The following CDH18 variants were observed in gnomAD, a reference collection of about 807,000 sequenced individuals.
The protein encoded by CDH18 is cadherin-18.
A neutral mutation model predicts 67.9 loss-of-function variants in CDH18; 31 were observed. That is an observed-to-expected ratio of 0.46 (90% CI 0.34 to 0.62). CDH18 has a LOEUF of 0.62. CDH18 is among the 20% of genes least tolerant of loss of function. The probability of loss-of-function intolerance (pLI) is 0.01; values close to 1 mark genes in which losing one functional copy is unlikely to be tolerated. For synonymous variants in CDH18, 362 were observed against 347.2 expected (o/e 1.04, Z -0.48); for missense variants, 890 against 975.5 (o/e 0.91, Z 1.17).
intron 2 of CDH18, among the ~76,000 whole-genome samples, chr5:19,928,432 A>G (rs1579641426): frequency 6.6e-6 from 1 of 152,234 alleles, no homozygotes; most frequent in East Asian, 1.9e-4. Context: ...GGTCAAGATG[A>G]CTTACTTTTG....
chr5:20,155,101 T>C (rs1458079915), intron 2 of CDH18, among the ~76,000 whole-genome samples: 1 of 152,176 alleles, frequency 6.6e-6, no homozygotes, highest in Non-Finnish European at 1.5e-5. Context: ...ATATTTAATA[T>C]AATTTGAATG....
chr5:19,875,693 T>C (rs987623692), intron 2 of CDH18, among the ~76,000 whole-genome samples: 5 of 151,996 alleles, frequency 3.3e-5, no homozygotes, highest in African/African-American at 1.2e-4. Context: ...ATCTTTTATA[T>C]TGTTGAATCT....
At chr5:20,286,692 C>T (rs1291463653) in intron 1 of CDH18, among the ~76,000 whole-genome samples, 1 of 151,740 alleles carries the variant, frequency 6.6e-6, no homozygotes, top group Non-Finnish European at 1.5e-5. Context: ...TCAGTCACTG[C>T]CCTGGGATTC....
intron 11 of CDH18, among the ~76,000 whole-genome samples, chr5:19,489,509 A>G (rs1422020601): frequency 6.6e-6 from 1 of 151,980 alleles, no homozygotes; most frequent in Non-Finnish European, 1.5e-5. Context: ...GGCCTCCCAT[A>G]GTGCTGGGAT....
chr5:20,036,358 T>A (rs1014803754), intron 2 of CDH18, among the ~76,000 whole-genome samples: 1 of 151,774 alleles, frequency 6.6e-6, no homozygotes, highest in Non-Finnish European at 1.5e-5. Flanking sequence ...TTGCTTAGCA[T>A]GTCAGATAAT....
intron 1 of CDH18, among the ~76,000 whole-genome samples, chr5:20,306,078 T>C (rs1736425026): frequency 6.6e-6 from 1 of 152,200 alleles, no homozygotes; most frequent in Non-Finnish European, 1.5e-5. Flanking sequence ...ATCAGAACTT[T>C]TGAAGACTTC....
chr5:20,151,205 T>C (rs1215681499), intron 2 of CDH18, among the ~76,000 whole-genome samples: 1 of 152,082 alleles, frequency 6.6e-6, no homozygotes, highest in Non-Finnish European at 1.5e-5. Flanking sequence ...GTGCTCAATG[T>C]TTAGCTTCCA....
intron 1 of CDH18, among the ~76,000 whole-genome samples, chr5:20,360,109 ATAATATATGTTATATATTATATATAATTC>A (rs1361338423): frequency 6.9e-6 from 1 of 145,264 alleles, no homozygotes; most frequent in African/African-American, 2.5e-5. Flanking sequence ...ATATAATTCT[ATAATATATGTTATATATTATATATAATTC>A]TATAATATAT....
At chr5:19,627,161 A>AT (rs1485002789) in intron 5 of CDH18, among the ~76,000 whole-genome samples, 1 of 152,186 alleles carries the variant, frequency 6.6e-6, no homozygotes, top group Non-Finnish European at 1.5e-5. Context: ...TGATCTGGTG[A>AT]TTGTCTAGAC....
intron 2 of CDH18, among the ~76,000 whole-genome samples, chr5:19,845,673 T>A (rs1195854947): frequency 6.6e-6 from 1 of 152,020 alleles, no homozygotes; most frequent in Admixed American, 6.6e-5. Flanking sequence ...GTTTTATATA[T>A]CTAGGTGCTC....
chr5:20,074,745 T>TG (rs1743777523), intron 2 of CDH18, among the ~76,000 whole-genome samples: 1 of 151,534 alleles, frequency 6.6e-6, no homozygotes, highest in Admixed American at 6.6e-5. Context: ...TTTTTTTTTT[T>TG]GCATCATTAA....
intron 2 of CDH18, among the ~76,000 whole-genome samples, chr5:19,867,410 A>T (rs1785674310): frequency 6.6e-6 from 1 of 152,222 alleles, no homozygotes; most frequent in African/African-American, 2.4e-5. Context: ...AATAAAGCAA[A>T]ATAGAAATAT....
chr5:20,304,799 C>T, intron 1 of CDH18: 5 of 1,610,990 alleles, frequency 3.1e-6, no homozygotes, highest in Non-Finnish European at 4.2e-6. Context: ...GACCGTGTTT[C>T]AGCCGCAGCT....
chr5:19,688,238 C>G (rs921345912), intron 5 of CDH18, among the ~76,000 whole-genome samples: 2 of 152,194 alleles, frequency 1.3e-5, no homozygotes, highest in African/African-American at 4.8e-5. Flanking sequence ...GGTTCAAGAA[C>G]TGGCTCACTT....
Position 19,871,871 on chromosome 5 carries a change from A to T in CDH18, c.-256-32629T>A, listed in dbSNP as rs1786344290. On this transcript the variant is annotated intron_variant, in intron 2 of 12. Coordinates refer to ENST00000382275, the MANE Select transcript of CDH18 (RefSeq NM_004934.5). ...CATGAAGCTTGTGTGGACCTTACTA[A>T]GATGTCCAGTAAGTATCAATACATT... is the stretch of plus-strand genomic sequence containing the variant. 2.6e-5 allele frequency among the ~76,000 whole-genome samples: 4 copies of T among 152,200 alleles called. No homozygotes were observed. In the South Asian group the frequency reaches 8.3e-4, roughly 32 times the overall value.
chr5:19,757,562 C>T (rs1198753044), intron 3 of CDH18, among the ~76,000 whole-genome samples: 1 of 152,122 alleles, frequency 6.6e-6, no homozygotes, highest in Non-Finnish European at 1.5e-5. Context: ...TGAGTGGTAT[C>T]CACAGATCAG....
chr5:19,890,007 C>T (rs75990469), intron 2 of CDH18, among the ~76,000 whole-genome samples: 4,485 of 152,136 alleles, frequency 0.029, 240 homozygotes, highest in African/African-American at 0.1. Context: ...GTATTTGTTT[C>T]CAATCTCTAG....
At chr5:19,659,438 T>A (rs1756865429) in intron 5 of CDH18, among the ~76,000 whole-genome samples, 2 of 152,094 alleles carry the variant, frequency 1.3e-5, no homozygotes, top group Admixed American at 1.3e-4. Flanking sequence ...TCTAAAACAC[T>A]TGGGAGTTTG....
intron 9 of CDH18, among the ~76,000 whole-genome samples, chr5:19,536,998 G>A (rs1749518156): frequency 6.6e-6 from 1 of 152,178 alleles, no homozygotes; most frequent in Non-Finnish European, 1.5e-5. Flanking sequence ...TACAGTCTAT[G>A]GTACTGTGAT....
Sources: gnomAD v4.1 joint callset for allele counts (sites outside exome capture counted in the v4.1 genomes callset) on GRCh38, gnomAD v4.1.1 for gene constraint, MANE v1.5 for transcripts, NCBI Gene and HGNC (gene_info 2026-07-23, HGNC 2026-07-21) for gene names.